PDHX: variants seen among roughly 807,000 people sequenced by gnomAD.
The protein encoded by PDHX is pyruvate dehydrogenase complex component X.
In PDHX, 33 loss-of-function variants were observed where a neutral mutation model predicts 55.3. That is an observed-to-expected ratio of 0.60 (90% confidence interval 0.45 to 0.80). The LOEUF is 0.80. Among genes scored for constraint, PDHX ranks in the 30% least tolerant of loss-of-function variants. The pLI is 0.00. For missense variants in PDHX, 622 were observed against 619.9 expected, an observed-to-expected ratio of 1.00 and a Z score of -0.04; for synonymous variants, 226 against 219.4, an observed-to-expected ratio of 1.03 and a Z score of -0.27.
chr11:34,990,731 A>G (rs1855738279), intron 9 of PDHX, among the ~76,000 whole-genome samples: 1 of 152,220 alleles, frequency 6.6e-6, no homozygotes, highest in South Asian at 2.1e-4. Context: ...TTGAATCCAA[A>G]TAGTTTTATA....
intron 9 of PDHX, among the ~76,000 whole-genome samples, chr11:34,988,881 A>G (rs1454586490): frequency 6.6e-6 from 1 of 152,176 alleles, no homozygotes; most frequent in Admixed American, 6.5e-5. Flanking sequence ...TTAGAGTTAT[A>G]ATTGTTCTGT....
At chr11:34,923,752 C>A (rs966026609) in intron 1 of PDHX, among the ~76,000 whole-genome samples, 1 of 152,060 alleles carries the variant, frequency 6.6e-6, no homozygotes, top group Non-Finnish European at 1.5e-5. Context: ...CTTTTGAGGT[C>A]GAGAATCTGG....
At chr11:34,931,825 TGTGTGTG>T (rs1854181904) in intron 2 of PDHX, among the ~76,000 whole-genome samples, 1 of 106,548 alleles carries the variant, frequency 9.4e-6, no homozygotes, top group African/African-American at 5.1e-5. Flanking sequence ...TGTGTGTGTG[TGTGTGTG>T]TGTGTGTGTG....
At chr11:34,993,380 G>C (rs1209809438) in intron 10 of PDHX, among the ~76,000 whole-genome samples, 1 of 151,934 alleles carries the variant, frequency 6.6e-6, no homozygotes, top group Non-Finnish European at 1.5e-5. Context: ...GCCTATCTCA[G>C]AGTCATGAAG....
intron 1 of PDHX, among the ~76,000 whole-genome samples, chr11:34,921,592 T>G (rs1221812397): frequency 6.6e-6 from 1 of 152,208 alleles, no homozygotes; most frequent in Non-Finnish European, 1.5e-5. Flanking sequence ...AATAGGCCAG[T>G]AATGCAGTAT....
chr11:34,991,922 A>C (rs1361979931), intron 9 of PDHX, among the ~76,000 whole-genome samples: 3 of 151,198 alleles, frequency 2.0e-5, no homozygotes, highest in Non-Finnish European at 2.9e-5. Context: ...AAAAAAAAAA[A>C]AAAAAACTAA....
At chr11:34,961,186 G>A (rs531642218) in intron 5 of PDHX, among the ~76,000 whole-genome samples, 2 of 152,064 alleles carry the variant, frequency 1.3e-5, no homozygotes, top group Non-Finnish European at 2.9e-5. Flanking sequence ...ATTTTTATGG[G>A]ATTGTATCAC....
At chr11:34,976,247 A>G (rs1404011050) in intron 7 of PDHX, among the ~76,000 whole-genome samples, 2 of 152,162 alleles carry the variant, frequency 1.3e-5, no homozygotes, top group Non-Finnish European at 2.9e-5. Flanking sequence ...TAAAGTTACA[A>G]TACATAACAT....
chr11:34,932,887 A>G (rs748827284), intron 2 of PDHX, among the ~76,000 whole-genome samples: 1 of 152,224 alleles, frequency 6.6e-6, no homozygotes, highest in African/African-American at 2.4e-5. Context: ...TACTGTATCT[A>G]CACCTGTAAA....
At chr11:34,980,336 A>T in intron 8 of PDHX, among the ~76,000 whole-genome samples, 1 of 73,684 alleles carries the variant, frequency 1.4e-5, no homozygotes, top group African/African-American at 4.2e-5. Flanking sequence ...TTTTTTAATA[A>T]GGTTTAAGAT....
intron 8 of PDHX, among the ~76,000 whole-genome samples, chr11:34,980,164 T>C (rs1051722330): frequency 6.6e-6 from 1 of 151,578 alleles, no homozygotes; most frequent in African/African-American, 2.4e-5. Context: ...TTGTTTCTTA[T>C]AATTATTTTA....
chr11:34,993,271 AT>A (rs1270506880), intron 10 of PDHX, among the ~76,000 whole-genome samples: 6 of 151,922 alleles, frequency 3.9e-5, no homozygotes, highest in Admixed American at 3.3e-4. Context: ...TCTCTCGGTG[AT>A]TTTTTTAAAT....
chr11:34,916,475 AC>A (rs1853703526), upstream of PDHX: 7 of 1,457,008 alleles, frequency 4.8e-6, no homozygotes, highest in Admixed American at 2.6e-5. Flanking sequence ...GGCGCACCTG[AC>A]TTCCCGGGAG....
intron 2 of PDHX, among the ~76,000 whole-genome samples, chr11:34,940,046 CAGAA>C (rs1179682431): frequency 1.3e-5 from 2 of 151,830 alleles, no homozygotes; most frequent in Non-Finnish European, 2.9e-5. Flanking sequence ...GTTAAAATAA[CAGAA>C]AGGAAAAAAA....
intron 5 of PDHX, among the ~76,000 whole-genome samples, chr11:34,963,703 T>C (rs1855068237): frequency 6.6e-6 from 1 of 152,190 alleles, no homozygotes; most frequent in African/African-American, 2.4e-5. Context: ...GAAGAAAATC[T>C]TGGGTATCAG....
At chr11:34,980,366 T>TTTTTTTTTTTTTTTTTTTCA (rs1855483460) in intron 8 of PDHX, among the ~76,000 whole-genome samples, 1 of 143,036 alleles carries the variant, frequency 7.0e-6, no homozygotes, top group African/African-American at 2.5e-5. Context: ...TTTTTTTTTT[T>TTTTTTTTTTTTTTTTTTTCA]GAGCAGCAGC....
At chr11:34,972,998 C>A (rs1855288584) in intron 7 of PDHX, among the ~76,000 whole-genome samples, 2 of 152,188 alleles carry the variant, frequency 1.3e-5, no homozygotes, top group Admixed American at 6.5e-5. Flanking sequence ...TCAGGCCAAG[C>A]TGGTTAATAG....
At chr11:34,956,193 C>T (rs557354148) in intron 3 of PDHX, among the ~76,000 whole-genome samples, 1 of 127,392 alleles carries the variant, frequency 7.8e-6, no homozygotes, top group East Asian at 2.5e-4. Flanking sequence ...ATTCAGCTTT[C>T]TATACTAATT....
intron 1 of PDHX, among the ~76,000 whole-genome samples, chr11:34,922,864 TTGTG>T (rs60096111): frequency 0.22 from 31,477 of 143,314 alleles, 4,134 homozygotes; most frequent in Non-Finnish European, 0.31. Context: ...CAAAGTATCG[TTGTG>T]TGTGTGTGTG....
Sources: allele counts gnomAD v4.1 joint callset (sites outside exome capture counted in the v4.1 genomes callset), GRCh38; gene constraint gnomAD v4.1.1; transcripts MANE v1.5; gene names NCBI Gene and HGNC (gene_info 2026-07-23, HGNC 2026-07-21).